Variants in LRMDA observed in about 807,000 individuals in gnomAD.
LRMDA encodes the protein leucine-rich melanocyte differentiation-associated protein.
Under a neutral mutation model 29.8 loss-of-function variants are expected in LRMDA, and 18 were observed. That is an observed-to-expected ratio of 0.60 (90% CI 0.42 to 0.90). The LOEUF is 0.90. LRMDA is among the 40% of genes least tolerant of loss of function. The pLI is 0.00. For missense variants in LRMDA, 273 were observed against 273.9 expected (o/e 1.00, Z 0.02); for synonymous variants, 125 against 109.4 (o/e 1.14, Z -0.89).
chr10:75,631,060 C>T (rs2132112862), intron 2 of LRMDA, among the ~76,000 whole-genome samples: 1 of 152,216 alleles, frequency 6.6e-6, no homozygotes. Context: ...CTTTCTTCTC[C>T]TGCCCCAGAG....
chr10:75,435,835 C>T (rs560792649), intron 1 of LRMDA, among the ~76,000 whole-genome samples: 2 of 152,176 alleles, frequency 1.3e-5, no homozygotes, highest in South Asian at 2.1e-4. Context: ...AGTGTAGCAC[C>T]GTGGGAGAAG....
intron 5 of LRMDA, among the ~76,000 whole-genome samples, chr10:76,215,429 A>C (rs1851711650): frequency 6.6e-6 from 1 of 152,184 alleles, no homozygotes; most frequent in African/African-American, 2.4e-5. Flanking sequence ...CAATAGCCTC[A>C]GAATCCTTTC....
At chr10:75,815,158 C>G (rs1438031312) in intron 2 of LRMDA, among the ~76,000 whole-genome samples, 1 of 152,146 alleles carries the variant, frequency 6.6e-6, no homozygotes, top group Admixed American at 6.6e-5. Flanking sequence ...TCACTAGACT[C>G]AGGCTTAGAA....
intron 2 of LRMDA, among the ~76,000 whole-genome samples, chr10:75,758,245 C>T (rs1253374652): frequency 6.6e-6 from 1 of 152,230 alleles, no homozygotes; most frequent in Non-Finnish European, 1.5e-5. Flanking sequence ...CCTGGGTGTG[C>T]TCCCGCCCTC....
At chr10:75,674,437 G>T (rs1841936952) in intron 2 of LRMDA, among the ~76,000 whole-genome samples, 1 of 151,836 alleles carries the variant, frequency 6.6e-6, no homozygotes, top group South Asian at 2.1e-4. Context: ...TCTTCTTATG[G>T]CTTCCTTCAG....
At chr10:76,024,653 C>T (rs1175161560) in intron 2 of LRMDA, among the ~76,000 whole-genome samples, 2 of 152,184 alleles carry the variant, frequency 1.3e-5, no homozygotes, top group African/African-American at 4.8e-5. Flanking sequence ...TCCAGGGGGG[C>T]CCTGCCCGTG....
chr10:75,490,820 C>T lies in LRMDA; in HGVS notation c.131+52326C>T, dbSNP rs556012543. ...TTTTGAATTATGGGTATCACTAATA[C>T]GCCTCTGCTGATGTGGCTAATGTGT... On this transcript the variant is annotated intron_variant, in intron 2 of 6. Transcript: ENST00000611255. Among the ~76,000 whole-genome samples, 12 of 152,316 alleles carry T rather than the reference C, an allele frequency of 7.9e-5. No individual in the cohort carries two copies. In the South Asian group the frequency reaches 1.9e-3, roughly 24 times the overall value.
intron 2 of LRMDA, among the ~76,000 whole-genome samples, chr10:75,973,475 A>G (rs1480475456): frequency 1.3e-5 from 2 of 150,594 alleles, no homozygotes; most frequent in Non-Finnish European, 3.0e-5. Flanking sequence ...CTGGAGTGCA[A>G]TGGCATGATC....
At chr10:76,434,293 A>G (rs1010944064) in intron 6 of LRMDA, among the ~76,000 whole-genome samples, 1 of 151,588 alleles carries the variant, frequency 6.6e-6, no homozygotes, top group Admixed American at 6.6e-5. Flanking sequence ...TTAAGTTTTA[A>G]TCTCTTTTTT....
Position 76,041,425 on chromosome 10 carries a change from G to A in LRMDA, c.258+5291G>A, listed in dbSNP as rs562349371. On this transcript the variant is annotated intron_variant, in intron 3 of 6. Coordinates refer to ENST00000611255, the MANE Select transcript of LRMDA (RefSeq NM_001305581.2). ...GTACTAGCTGTGTGACCGTTAACCC[G>A]TTTCCTTAATTGTTATTTCAGCATG... Among the ~76,000 whole-genome samples, 12 of 152,222 alleles carry A rather than the reference G, an allele frequency of 7.9e-5. No homozygotes were observed. In the South Asian group the frequency reaches 1.5e-3, roughly 18 times the overall value.
In LRMDA at chr10:76,018,722, C is replaced by T. The variant is rs531010484; in HGVS notation, c.132-17286C>T. On this transcript the variant is annotated intron_variant, in intron 2 of 6. Transcript: ENST00000611255. The stretch of plus-strand genomic sequence containing the variant: ...TCCTGAGACTACAGGTGTGCGCCAC[C>T]ATGTGCAGCTGATTTTTGTATTTTT... Among the ~76,000 whole-genome samples the T allele has an allele frequency of 4.1e-4, 36 of 88,056 alleles. No individual in the cohort carries two copies. The East Asian group carries it at 7.1e-3, about 17-fold the overall frequency. The allele number at this position is 88,056 out of a possible 152,430, so 57.8% of individuals were successfully genotyped here.
At chr10:76,540,006 A>G (rs1405661000) in intron 6 of LRMDA, among the ~76,000 whole-genome samples, 2 of 148,462 alleles carry the variant, frequency 1.3e-5, no homozygotes, top group African/African-American at 2.5e-5. Flanking sequence ...ACACACACAC[A>G]TTCCTTGTAT....
At chr10:76,285,375 C>T (rs562978242) in intron 5 of LRMDA, among the ~76,000 whole-genome samples, 29 of 151,684 alleles carry the variant, frequency 1.9e-4, no homozygotes, top group Middle Eastern at 3.4e-3. Flanking sequence ...TTAGGAAAGC[C>T]GAGGCTGGCT....
chr10:76,545,638 T>TTTATTA (rs143193002), intron 6 of LRMDA, among the ~76,000 whole-genome samples: 17,475 of 143,578 alleles, frequency 0.12, 1,164 homozygotes, highest in East Asian at 0.26. Flanking sequence ...GGAACAACCT[T>TTTATTA]TTATTATTAT....
chr10:75,930,297 G>A (rs142922495), intron 2 of LRMDA, among the ~76,000 whole-genome samples: 1 of 152,066 alleles, frequency 6.6e-6, no homozygotes, highest in East Asian at 1.9e-4. Flanking sequence ...GCTGTTTTCT[G>A]TGTTGAGCTT....
At chr10:75,730,546 A>G (rs1435432703) in intron 2 of LRMDA, among the ~76,000 whole-genome samples, 2 of 152,176 alleles carry the variant, frequency 1.3e-5, no homozygotes, top group Non-Finnish European at 2.9e-5. Context: ...TGCAGTCTGG[A>G]TGGATTGCAT....
chr10:75,441,136 G>A (rs1844322490), intron 2 of LRMDA, among the ~76,000 whole-genome samples: 1 of 152,196 alleles, frequency 6.6e-6, no homozygotes, highest in South Asian at 2.1e-4. Flanking sequence ...CCAAATGAGT[G>A]GGGATGGAGT....
intron 5 of LRMDA, among the ~76,000 whole-genome samples, chr10:76,232,912 G>A (rs565398212): frequency 6.6e-6 from 1 of 152,246 alleles, no homozygotes; most frequent in East Asian, 1.9e-4. Flanking sequence ...ATGCAAAAAA[G>A]TTTAAACCAA....
At chr10:75,792,400 G>A (rs1382882552) in intron 2 of LRMDA, among the ~76,000 whole-genome samples, 1 of 152,058 alleles carries the variant, frequency 6.6e-6, no homozygotes, top group Non-Finnish European at 1.5e-5. Flanking sequence ...GAGTAGCTGG[G>A]ATTACAGGTG....
Sources: allele counts gnomAD v4.1 joint callset (sites outside exome capture counted in the v4.1 genomes callset), GRCh38; gene constraint gnomAD v4.1.1; transcripts MANE v1.5; gene names NCBI Gene and HGNC (gene_info 2026-07-23, HGNC 2026-07-21).